The following CACNA2D3 variants were observed in gnomAD, a reference collection of about 807,000 sequenced individuals.
CACNA2D3 encodes voltage-dependent calcium channel subunit alpha-2/delta-3.
CACNA2D3 carries 60 observed loss-of-function variants against 160.6 expected under a neutral mutation model. The observed-to-expected ratio is 0.37, with a 90% CI of 0.30 to 0.46. CACNA2D3 has a LOEUF of 0.46. CACNA2D3 is among the 20% of genes least tolerant of loss of function. The probability of loss-of-function intolerance (pLI) is 1.00; values close to 1 mark genes in which losing one functional copy is unlikely to be tolerated. For missense variants in CACNA2D3, 1,205 were observed against 1,365.0 expected (o/e 0.88, Z 1.85); for synonymous variants, 558 against 492.9 (o/e 1.13, Z -1.75).
chr3:55,039,893 C>T (rs560836265), intron 35 of CACNA2D3, among the ~76,000 whole-genome samples: 1 of 152,254 alleles, frequency 6.6e-6, no homozygotes, highest in Non-Finnish European at 1.5e-5. Flanking sequence ...ACTTCCAAAT[C>T]AAAATTGCGT....
intron 2 of CACNA2D3, among the ~76,000 whole-genome samples, chr3:54,133,160 G>C (rs1182960725): frequency 6.6e-6 from 1 of 151,958 alleles, no homozygotes; most frequent in Admixed American, 6.6e-5. Flanking sequence ...AGGGGTTTTC[G>C]GCAGTAATAA....
At chr3:55,007,903 A>C (rs986136678) in intron 33 of CACNA2D3, 61 bp downstream of exon 33, 4 of 1,166,470 alleles carry the variant, frequency 3.4e-6, no homozygotes, top group African/African-American at 1.6e-5. Context: ...TGTATCATAA[A>C]GTGATCTAAG....
intron 11 of CACNA2D3, among the ~76,000 whole-genome samples, chr3:54,737,180 A>G (rs1021602001): frequency 3.3e-5 from 3 of 91,794 alleles, no homozygotes; most frequent in South Asian, 8.6e-4. Context: ...ATCCATGTGT[A>G]TATGTGTGTG....
intron 4 of CACNA2D3, among the ~76,000 whole-genome samples, chr3:54,420,529 C>T (rs975023312): frequency 6.6e-6 from 1 of 152,218 alleles, no homozygotes; most frequent in African/African-American, 2.4e-5. Context: ...AGTGACATCT[C>T]CTGCCAGGTC....
At position 54,503,484 on chromosome 3, in the gene CACNA2D3, T is replaced by C. The variant is rs1701324359; in HGVS notation, c.382-8T>C. ...CCACATGTAATGTTTTTTGACTTTG[T>C]CTTTCAGTATGAATACTTCAATGCT... On this transcript the variant is annotated splice_polypyrimidine_tract_variant and splice_region_variant and intron_variant, in intron 4 of 37. Transcript: ENST00000474759. 2 of 1,613,678 alleles carry C rather than the reference T, an allele frequency of 1.2e-6. No homozygotes were observed. Among genetic ancestry groups the C allele is most frequent in the African/African-American group, 2.7e-5 (2 of 75,046 alleles).
At chr3:54,566,839 T>C (rs1321318905) in intron 6 of CACNA2D3, among the ~76,000 whole-genome samples, 1 of 152,166 alleles carries the variant, frequency 6.6e-6, no homozygotes, top group East Asian at 1.9e-4. Flanking sequence ...ACAGCCACGA[T>C]GAGGGAGCTG....
chr3:54,439,901 T>C (rs1311825645), intron 4 of CACNA2D3, among the ~76,000 whole-genome samples: 2 of 152,186 alleles, frequency 1.3e-5, no homozygotes, highest in Non-Finnish European at 2.9e-5. Flanking sequence ...GTGACATTTA[T>C]ATTGTGTCAC....
chr3:55,066,659 T>C (rs1441310082), intron 35 of CACNA2D3, among the ~76,000 whole-genome samples: 1 of 152,188 alleles, frequency 6.6e-6, no homozygotes, highest in Non-Finnish European at 1.5e-5. Context: ...CCTCCAGTTC[T>C]TCCTCTGTCT....
chr3:54,762,195 A>C (rs1189632784), intron 12 of CACNA2D3, among the ~76,000 whole-genome samples: 1 of 152,060 alleles, frequency 6.6e-6, no homozygotes, highest in Admixed American at 6.6e-5. Flanking sequence ...CCTCCTGCCC[A>C]TTTCTGTCAT....
At chr3:54,859,972 G>GCACACA (rs1553891454) in intron 17 of CACNA2D3, among the ~76,000 whole-genome samples, 15,141 of 133,458 alleles carry the variant, frequency 0.11, 810 homozygotes, top group African/African-American at 0.13. Flanking sequence ...GAAAGTAGAT[G>GCACACA]CACACACACA....
intron 27 of CACNA2D3, chr3:54,924,686 G>A (rs1700958760): frequency 8.7e-6 from 14 of 1,614,136 alleles, no homozygotes; most frequent in Non-Finnish European, 1.2e-5. Context: ...TCCAGAGGTT[G>A]TCCTTGAGAA....
intron 13 of CACNA2D3, among the ~76,000 whole-genome samples, chr3:54,785,940 G>A (rs1284627598): frequency 1.3e-5 from 2 of 151,998 alleles, no homozygotes; most frequent in Non-Finnish European, 2.9e-5. Context: ...GATCTTTTGG[G>A]TTCACTCTTA....
At chr3:54,775,415 T>A (rs17054365) in intron 13 of CACNA2D3, among the ~76,000 whole-genome samples, 2,029 of 152,254 alleles carry the variant, frequency 0.013, 46 homozygotes, top group African/African-American at 0.047. Context: ...TATTGGGAAA[T>A]GGAGACACGA....
chr3:54,897,093 T>A, intron 26 of CACNA2D3: 1 of 509,728 alleles, frequency 2.0e-6, no homozygotes, highest in Non-Finnish European at 3.5e-6. Flanking sequence ...GTAAATGTAT[T>A]TCAGGAAGCA....
intron 4 of CACNA2D3, among the ~76,000 whole-genome samples, chr3:54,410,578 T>A (rs1378625096): frequency 6.6e-6 from 1 of 152,174 alleles, no homozygotes; most frequent in East Asian, 1.9e-4. Context: ...CGCACATCTG[T>A]TTGCCGCATG....
chr3:54,727,023 AGG>A (rs1256020430), intron 11 of CACNA2D3, among the ~76,000 whole-genome samples: 1 of 152,214 alleles, frequency 6.6e-6, no homozygotes, highest in Non-Finnish European at 1.5e-5. Context: ...CAGCTGACAA[AGG>A]GCTAATATCC....
intron 11 of CACNA2D3, among the ~76,000 whole-genome samples, chr3:54,684,595 C>G (rs1420430947): frequency 6.6e-6 from 1 of 152,172 alleles, no homozygotes; most frequent in Non-Finnish European, 1.5e-5. Context: ...TGGGCTTGTT[C>G]TGTCTTATTT....
At chr3:54,652,348 G>T (rs564602777) in intron 11 of CACNA2D3, among the ~76,000 whole-genome samples, 2 of 152,318 alleles carry the variant, frequency 1.3e-5, no homozygotes, top group East Asian at 1.9e-4. Context: ...GGAGTAGGGG[G>T]CTAAGACACC....
intron 2 of CACNA2D3, among the ~76,000 whole-genome samples, chr3:54,283,020 A>G (rs1032272429): frequency 5.9e-5 from 9 of 152,208 alleles, no homozygotes; most frequent in African/African-American, 1.9e-4. Context: ...TTGATGAAGC[A>G]GTTTCGTACT....
Sources: allele counts gnomAD v4.1 joint callset (sites outside exome capture counted in the v4.1 genomes callset), GRCh38; gene constraint gnomAD v4.1.1; transcripts MANE v1.5; gene names NCBI Gene and HGNC (gene_info 2026-07-23, HGNC 2026-07-21).